GNPAT: variants seen among roughly 807,000 people sequenced by gnomAD.
GNPAT encodes the protein glyceronephosphate O-acyltransferase.
Under a neutral mutation model 78.4 loss-of-function variants are expected in GNPAT, and 30 were observed. That is an observed-to-expected ratio of 0.38 (90% CI 0.29 to 0.52). The LOEUF (loss-of-function observed/expected upper bound fraction) is 0.52, where lower values mean the gene tolerates loss of function less well. GNPAT is among the 20% of genes least tolerant of loss of function. The pLI is 0.84. For synonymous variants in GNPAT, 271 were observed against 281.1 expected (o/e 0.96, Z 0.36); for missense variants, 714 against 812.2 (o/e 0.88, Z 1.47).
intron 1 of GNPAT, among the ~76,000 whole-genome samples, chr1:231,247,346 T>A (rs1684777960): frequency 6.6e-6 from 1 of 152,138 alleles, no homozygotes; most frequent in South Asian, 2.1e-4. Context: ...TACAGAAATG[T>A]ATAGGACACC....
intron 11 of GNPAT, among the ~76,000 whole-genome samples, chr1:231,273,599 G>C (rs1405945280): frequency 6.6e-6 from 1 of 152,152 alleles, no homozygotes; most frequent in Admixed American, 6.5e-5. Context: ...AGGACTTGCT[G>C]TATGTATTTC....
chr1:231,248,045 T>A (rs1223015003), intron 1 of GNPAT, among the ~76,000 whole-genome samples: 1 of 152,196 alleles, frequency 6.6e-6, no homozygotes, highest in African/African-American at 2.4e-5. Context: ...CTCCCATACA[T>A]GTCTGTGTTT....
rs1448052255 is a variant in GNPAT, at chr1:231,241,334, G to A, written c.-45G>A. 6.5e-6 allele frequency: 10 copies of A among 1,532,290 alleles called. No individual in the cohort carries two copies. Among genetic ancestry groups the A allele is most frequent in the Non-Finnish European group, 9.0e-6 (10 of 1,105,378 alleles). The allele number at this position is 1,532,290 out of a possible 1,614,324, so 94.9% of individuals were successfully genotyped here. On this transcript the variant is annotated 5_prime_UTR_variant, in exon 1 of 16. Transcript: ENST00000366647. ...CGCCCCCAGCAGGAGCACCACCACG[G>A]CTTAGCAAAGAATCCCAGACCCCGC... is the stretch of plus-strand genomic sequence containing the variant.
At chr1:231,265,874 T>A in intron 6 of GNPAT, 87 bp downstream of exon 6, 1 of 1,062,548 alleles carries the variant, frequency 9.4e-7, no homozygotes. Context: ...AACAAGATAT[T>A]CTTTTCAAGT....
chr1:231,253,675 CT>C (rs1293323102), intron 2 of GNPAT, among the ~76,000 whole-genome samples: 1 of 152,188 alleles, frequency 6.6e-6, no homozygotes, highest in Admixed American at 6.5e-5. Context: ...CAATTAGATG[CT>C]AACAACAGCA....
chr1:231,258,859 A>C (rs1310528507), intron 2 of GNPAT, among the ~76,000 whole-genome samples: 1 of 151,158 alleles, frequency 6.6e-6, no homozygotes, highest in South Asian at 2.1e-4. Flanking sequence ...GGATGGTCTC[A>C]ATCTCCTGAC....
rs768935408 is a variant in GNPAT, at chr1:231,275,461, G to A, written c.1900G>A (p.Ala634Thr). Reference protein sequence around the residue: ...SSDVQKNALAACVRLGVVEKK... With the variant: ...SSDVQKNALATCVRLGVVEKK... ...TGATGTGCAGAAAAACGCCTTAGCA[G>A]CCTGTGTGAGGCTCGGAGTAGTGGA... is the stretch of plus-strand genomic sequence containing the variant. The change falls in exon 14 of 16, where the codon GCC becomes ACC. Residue 634 changes from alanine (A) to threonine (T), a missense_variant. Transcript: ENST00000366647. 1.9e-6 allele frequency: 3 copies of A among 1,610,838 alleles called. No homozygotes were observed. Among genetic ancestry groups the A allele is most frequent in the Admixed American group, 3.3e-5 (2 of 60,026 alleles).
At chr1:231,263,833 C>G (rs1216413150) in intron 4 of GNPAT, among the ~76,000 whole-genome samples, 1 of 152,030 alleles carries the variant, frequency 6.6e-6, no homozygotes, top group Non-Finnish European at 1.5e-5. Context: ...TTGCATTTCC[C>G]TAATGATTAG....
intron 2 of GNPAT, among the ~76,000 whole-genome samples, chr1:231,252,708 T>C (rs1293226211): frequency 6.6e-6 from 1 of 152,198 alleles, no homozygotes; most frequent in Non-Finnish European, 1.5e-5. Flanking sequence ...CTCTCCTTTT[T>C]TTTTTTTCTT....
intron 12 of GNPAT, among the ~76,000 whole-genome samples, chr1:231,274,714 C>G (rs1330742994): frequency 6.6e-6 from 1 of 152,114 alleles, no homozygotes; most frequent in African/African-American, 2.4e-5. Flanking sequence ...GCACCTGGAC[C>G]CACTTCCTGG....
chr1:231,263,357 C>G (rs920760959), intron 4 of GNPAT, among the ~76,000 whole-genome samples: 2 of 152,164 alleles, frequency 1.3e-5, no homozygotes, highest in Admixed American at 1.3e-4. Context: ...ATTCAACACA[C>G]TCCCCGTTCT....
intron 2 of GNPAT, among the ~76,000 whole-genome samples, chr1:231,257,702 A>G (rs1287456705): frequency 6.6e-6 from 1 of 152,044 alleles, no homozygotes; most frequent in East Asian, 1.9e-4. Context: ...CTTTCCATCT[A>G]TAGCTTGGTG....
At chr1:231,272,255 A>C in intron 10 of GNPAT, 57 bp from the exon 11 acceptor site, 1 of 853,488 alleles carries the variant, frequency 1.2e-6, no homozygotes, top group South Asian at 1.3e-5. Context: ...ACTTCCTGGT[A>C]CTCCCTTAAA....
At chr1:231,267,980 A>C in intron 9 of GNPAT, 77 bp downstream of exon 9, 2 of 900,244 alleles carry the variant, frequency 2.2e-6, no homozygotes, top group Non-Finnish European at 3.7e-6. Context: ...AAAAATCTAT[A>C]GAGGACTTGA....
intron 4 of GNPAT, among the ~76,000 whole-genome samples, chr1:231,264,682 A>T (rs757294064): frequency 2.6e-5 from 4 of 152,224 alleles, no homozygotes; most frequent in Non-Finnish European, 5.9e-5. Flanking sequence ...TTCTTACAAG[A>T]TTTGCCTTAT....
chr1:231,255,305 A>G (rs1685018464), intron 2 of GNPAT, among the ~76,000 whole-genome samples: 2 of 152,178 alleles, frequency 1.3e-5, no homozygotes, highest in Non-Finnish European at 2.9e-5. Flanking sequence ...TCCCATCAGC[A>G]TTTAGCATAT....
chr1:231,273,488 T>C (rs894041564), intron 11 of GNPAT, among the ~76,000 whole-genome samples: 8 of 152,108 alleles, frequency 5.3e-5, no homozygotes, highest in African/African-American at 1.9e-4. Flanking sequence ...CCTGACTTCA[T>C]GATCCGCCCG....
At chr1:231,268,056 A>G (rs1306779983) in intron 9 of GNPAT, 153 bp downstream of exon 9, 1 of 683,514 alleles carries the variant, frequency 1.5e-6, no homozygotes, top group African/African-American at 1.8e-5. Flanking sequence ...TAATCCCAGC[A>G]CTTTGGGAGG....
intron 12 of GNPAT, 107 bp downstream of exon 12, chr1:231,274,169 C>A: frequency 1.0e-6 from 1 of 963,046 alleles, no homozygotes; most frequent in Non-Finnish European, 1.7e-6. Flanking sequence ...CTTCCCCAGG[C>A]AAATGGAAGA....
Sources: gnomAD v4.1 joint callset for allele counts (sites outside exome capture counted in the v4.1 genomes callset) on GRCh38, gnomAD v4.1.1 for gene constraint, MANE v1.5 for transcripts, NCBI Gene and HGNC (gene_info 2026-07-23, HGNC 2026-07-21) for gene names.